Variants in TCP11 observed in about 807,000 individuals in gnomAD.
TCP11 encodes the protein t-complex 11.
Under a neutral mutation model 45.0 loss-of-function variants are expected in TCP11, and 34 were observed. That is an observed-to-expected ratio of 0.76 (90% CI 0.57 to 1.01). The LOEUF is 1.01. TCP11 is among the 50% of genes least tolerant of loss of function. TCP11 has a pLI of 0.00. For missense variants in TCP11, 523 were observed against 598.1 expected (o/e 0.87, Z 1.31); for synonymous variants, 227 against 227.0 (o/e 1.00, Z 0.00).
At chr6:35,135,902 T>A (rs1307853862) in intron 3 of TCP11, among the ~76,000 whole-genome samples, 3 of 152,246 alleles carry the variant, frequency 2.0e-5, no homozygotes, top group African/African-American at 7.2e-5. Flanking sequence ...TTGGTTTATT[T>A]GTTGACTAAG....
intron 3 of TCP11, among the ~76,000 whole-genome samples, chr6:35,133,777 C>T (rs191902555): frequency 4.0e-4 from 60 of 150,844 alleles, no homozygotes; most frequent in South Asian, 2.1e-3. Flanking sequence ...GGCGACAAAG[C>T]GAGATTTCAT....
Position 35,122,342 on chromosome 6 carries a change from C to T in TCP11, c.358-5G>A. On this transcript the variant is annotated splice_region_variant and splice_polypyrimidine_tract_variant and intron_variant, in intron 4 of 9. Coordinates refer to ENST00000311875, the MANE Select transcript of TCP11 (RefSeq NM_001370687.1). Reference sequence around the variant, plus strand: ...TAATAGCAGTGATAGCAAGATCTGCCCAGGAAAGAAAGTCAAAGGAGTTGA... The same window carrying T: ...TAATAGCAGTGATAGCAAGATCTGCTCAGGAAAGAAAGTCAAAGGAGTTGA... 1 of 1,613,654 alleles carries T rather than the reference C, an allele frequency of 6.2e-7. No homozygotes were observed. The highest frequency in any genetic ancestry group is 8.5e-7 in the Non-Finnish European group (1 of 1,179,716).
intron 4 of TCP11, 197 bp downstream of exon 4, chr6:35,128,865 C>A: frequency 3.2e-6 from 2 of 621,450 alleles, no homozygotes; most frequent in African/African-American, 1.9e-5. Context: ...ACTAGCCAAG[C>A]CCTCATTTCT....
Position 35,129,183 on chromosome 6 carries a change from CT to C in TCP11, c.237-2del. The C allele has an allele frequency of 6.2e-7, 1 of 1,611,600 alleles. No individual in the cohort carries two copies. The highest frequency in any genetic ancestry group is 1.1e-5 in the South Asian group (1 of 90,456). On this transcript the variant is annotated splice_acceptor_variant, in intron 3 of 9. Transcript: ENST00000311875. LOFTEE classifies it high-confidence loss of function. The stretch of plus-strand genomic sequence containing the variant: ...TGTCTCCTTGACCTTGCCTTCCAGA[CT>C]ATAAGAGGGTTAAATGAGCAGATTA...
chr6:35,127,833 G>A (rs932939700), intron 4 of TCP11, among the ~76,000 whole-genome samples: 1 of 152,192 alleles, frequency 6.6e-6, no homozygotes, highest in Admixed American at 6.5e-5. Context: ...ATTCAAATGT[G>A]TATAGAAGAG....
intron 4 of TCP11, 58 bp from the exon 5 acceptor site, chr6:35,122,395 A>G (rs561736938): frequency 1.3e-6 from 2 of 1,504,182 alleles, no homozygotes; most frequent in Non-Finnish European, 1.8e-6. Flanking sequence ...ACTTTATCCA[A>G]TGGGCAATCC....
At chr6:35,124,080 C>T (rs966538982) in intron 4 of TCP11, among the ~76,000 whole-genome samples, 2 of 152,204 alleles carry the variant, frequency 1.3e-5, no homozygotes, top group African/African-American at 4.8e-5. Context: ...AGGCCTGAGC[C>T]ACCACAGCCA....
chr6:35,129,239 C>T, intron 3 of TCP11, 57 bp from the exon 4 acceptor site: 1 of 1,567,376 alleles, frequency 6.4e-7, no homozygotes, highest in South Asian at 1.2e-5. Flanking sequence ...GTTACAGTGT[C>T]ATAACCTCCT....
At chr6:35,131,743 C>T (rs1257908471) in intron 3 of TCP11, among the ~76,000 whole-genome samples, 1 of 152,172 alleles carries the variant, frequency 6.6e-6, no homozygotes, top group East Asian at 1.9e-4. Flanking sequence ...TCCTCCTGAG[C>T]AGCGGGGTTT....
chr6:35,127,113 T>C (rs367799865), intron 4 of TCP11, among the ~76,000 whole-genome samples: 2 of 152,178 alleles, frequency 1.3e-5, no homozygotes, highest in African/African-American at 4.8e-5. Context: ...GTCTGCTGAT[T>C]TGTGTGAAAT....
chr6:35,141,287 GC>G lies in TCP11; in HGVS notation c.-98del. On this transcript the variant is annotated 5_prime_UTR_variant, in exon 1 of 10. Transcript: ENST00000311875. ...TGGCGGCCTGGAGCGTACCACCGCG[GC>G]GGAGCGGCGGGTTGGGGCGTCGCAC... The G allele has an allele frequency of 7.7e-7, 1 of 1,294,632 alleles. No individual in the cohort carries two copies. Among genetic ancestry groups the G allele is most frequent in the East Asian group, 3.2e-5 (1 of 31,634 alleles). The allele number at this position is 1,294,632 out of a possible 1,614,324, so 80.2% of individuals were successfully genotyped here. A position where few individuals can be genotyped will look rare whatever the true frequency, so the allele number is the denominator to read the frequency against.
At chr6:35,119,457 A>C in intron 8 of TCP11, 66 bp from the exon 9 acceptor site, 3 of 1,575,504 alleles carry the variant, frequency 1.9e-6, no homozygotes, top group Non-Finnish European at 2.6e-6. Context: ...AGGGCCCAGC[A>C]TGCTGTATAC....
chr6:35,120,832 A>AC lies in TCP11; in HGVS notation c.715+76_715+77insG, dbSNP rs1779151788. On this transcript the variant is annotated intron_variant, in intron 6 of 9. Coordinates refer to ENST00000311875, the MANE Select transcript of TCP11 (RefSeq NM_001370687.1). The surrounding 1 kb of genome is among the most constrained non-coding windows in gnomAD (Gnocchi z 4.9). ...CAACTTTCTATTCCTAAAAAGAGAT[A>AC]GAGTACTCTCTAACATTATAAAAGT... The AC allele has an allele frequency of 2.0e-6, 3 of 1,493,888 alleles. No individual in the cohort carries two copies. Among genetic ancestry groups the AC allele is most frequent in the Non-Finnish European group, 1.8e-6 (2 of 1,105,960 alleles). The allele number at this position is 1,493,888 out of a possible 1,614,324, so 92.5% of individuals were successfully genotyped here.
intron 4 of TCP11, among the ~76,000 whole-genome samples, chr6:35,125,917 C>G (rs1207659546): frequency 1.3e-5 from 2 of 152,014 alleles, no homozygotes; most frequent in Non-Finnish European, 2.9e-5. Flanking sequence ...ACTAAAAGGA[C>G]AAATATTGTA....
chr6:35,122,496 G>A (rs1032767414), intron 4 of TCP11, among the ~76,000 whole-genome samples, 159 bp from the exon 5 acceptor site: 1 of 152,106 alleles, frequency 6.6e-6, no homozygotes, highest in African/African-American at 2.4e-5. Flanking sequence ...TCTTTGTTTA[G>A]AGGCCGGTGA....
intron 4 of TCP11, among the ~76,000 whole-genome samples, chr6:35,123,137 T>C (rs1779468545): frequency 6.6e-6 from 1 of 152,194 alleles, no homozygotes; most frequent in Non-Finnish European, 1.5e-5. Flanking sequence ...GAAAAGGGCC[T>C]TCCTTCTTGG....
In TCP11 at chr6:35,140,769, G is replaced by A. The variant is rs939220134; in HGVS notation, c.102C>T (p.Ser34=). Residue 34 remains serine, a synonymous_variant, in exon 2 of 10, where the codon AGC becomes AGT. Transcript: ENST00000311875. ...ETSGPPQEDK[S]GSEDPPPFLS... The stretch of plus-strand genomic sequence containing the variant: ...TACAGGGAGGGGGGTCCTCGGAGCC[G>A]CTCTTGTCTTCCTGGGGGGGTCCTG... 6.5e-7 allele frequency: 1 copy of A among 1,529,806 alleles called. No individual in the cohort carries two copies. The highest frequency in any genetic ancestry group is 2.2e-5 in the Admixed American group (1 of 45,276). The allele number at this position is 1,529,806 out of a possible 1,614,324, so 94.8% of individuals were successfully genotyped here.
chr6:35,140,949 T>C, intron 1 of TCP11, 65 bp from the exon 2 acceptor site: 14 of 790,376 alleles, frequency 1.8e-5, no homozygotes, highest in Admixed American at 7.3e-5. Flanking sequence ...GCCAAGGGGG[T>C]CCCTGGGGGC....
At chr6:35,137,618 G>A (rs1781234716) in intron 2 of TCP11, 1 of 237,754 alleles carries the variant, frequency 4.2e-6, no homozygotes, top group East Asian at 1.3e-4. Flanking sequence ...GGCAACCACT[G>A]TTCTAAGTTT....
Sources: gnomAD v4.1 joint callset for allele counts (sites outside exome capture counted in the v4.1 genomes callset) on GRCh38, gnomAD v4.1.1 for gene constraint, Gnocchi (gnomAD v3.1) non-coding constraint, MANE v1.5 for transcripts, NCBI Gene and HGNC (gene_info 2026-07-23, HGNC 2026-07-21) for gene names.